Variants in PLPPR1 observed in about 807,000 individuals in gnomAD.
The protein encoded by PLPPR1 is phospholipid phosphatase related 1, also known as phospholipid phosphatase-related protein type 1.
A neutral mutation model predicts 33.1 loss-of-function variants in PLPPR1; 10 were observed. That is an observed-to-expected ratio of 0.30 (90% CI 0.19 to 0.51). PLPPR1 has a LOEUF of 0.51. Ranked by LOEUF, PLPPR1 falls within the 20% of genes least tolerant of loss-of-function variation. The pLI is 0.97. For missense variants in PLPPR1, 304 were observed against 408.1 expected (o/e 0.74, Z 2.20); for synonymous variants, 151 against 151.0 (o/e 1.00, Z 0.00).
intron 2 of PLPPR1, among the ~76,000 whole-genome samples, chr9:101,220,516 CAA>C (rs1826908992): frequency 6.6e-6 from 1 of 152,156 alleles, no homozygotes; most frequent in Admixed American, 6.6e-5. Flanking sequence ...TCCAGCAGTA[CAA>C]AGACATTAAA....
intron 4 of PLPPR1, among the ~76,000 whole-genome samples, chr9:101,307,974 G>T (rs756184297): frequency 6.6e-6 from 1 of 152,196 alleles, no homozygotes; most frequent in Admixed American, 6.5e-5. Context: ...AAAGCTTTCT[G>T]TAAGGAAACC....
chr9:101,038,912 C>T (rs1487576903), intron 1 of PLPPR1, among the ~76,000 whole-genome samples: 1 of 152,086 alleles, frequency 6.6e-6, no homozygotes, highest in African/African-American at 2.4e-5. Context: ...CAACAATCAG[C>T]TGTAATATTG....
At chr9:101,275,977 G>A (rs539208224) in intron 3 of PLPPR1, among the ~76,000 whole-genome samples, 6 of 152,228 alleles carry the variant, frequency 3.9e-5, no homozygotes, top group Admixed American at 6.5e-5. Flanking sequence ...TTTCTGGGCC[G>A]TAAGCTCTTC....
chr9:101,042,425 A>G (rs1029740150), intron 1 of PLPPR1, among the ~76,000 whole-genome samples: 3 of 152,192 alleles, frequency 2.0e-5, no homozygotes, highest in Non-Finnish European at 4.4e-5. Flanking sequence ...CACCCTAGGG[A>G]CACTTCTTTT....
intron 1 of PLPPR1, among the ~76,000 whole-genome samples, chr9:101,151,640 T>A (rs1381792979): frequency 6.6e-6 from 1 of 152,136 alleles, no homozygotes; most frequent in Non-Finnish European, 1.5e-5. Context: ...CTTGTCACCC[T>A]CCCCTACCAT....
At chr9:101,071,445 C>T (rs1019026233) in intron 1 of PLPPR1, among the ~76,000 whole-genome samples, 10 of 152,202 alleles carry the variant, frequency 6.6e-5, no homozygotes, top group African/African-American at 2.4e-4. Context: ...TATAGTAAGC[C>T]CCAACGAGTA....
At chr9:101,036,469 C>A (rs1830011986) in intron 1 of PLPPR1, among the ~76,000 whole-genome samples, 1 of 152,056 alleles carries the variant, frequency 6.6e-6, no homozygotes, top group African/African-American at 2.4e-5. Flanking sequence ...ATGTAAAGAT[C>A]ATCTAGACTA....
intron 1 of PLPPR1, among the ~76,000 whole-genome samples, chr9:101,178,989 G>T (rs966784029): frequency 6.6e-6 from 1 of 152,154 alleles, no homozygotes; most frequent in African/African-American, 2.4e-5. Context: ...TAAACTGAAA[G>T]TTAAGAGTGC....
intron 1 of PLPPR1, among the ~76,000 whole-genome samples, chr9:101,046,532 C>G (rs777002491): frequency 6.6e-6 from 1 of 150,932 alleles, no homozygotes; most frequent in Admixed American, 6.6e-5. Flanking sequence ...CTCTGCCTCC[C>G]GGGTTCACGC....
chr9:101,192,099 A>G (rs1330369048), intron 2 of PLPPR1, among the ~76,000 whole-genome samples: 1 of 152,158 alleles, frequency 6.6e-6, no homozygotes, highest in Non-Finnish European at 1.5e-5. Context: ...ATTCCATATC[A>G]TCACTTTTGG....
chr9:101,114,243 C>G (rs1009654837), intron 1 of PLPPR1, among the ~76,000 whole-genome samples: 1 of 152,096 alleles, frequency 6.6e-6, no homozygotes, highest in Admixed American at 6.6e-5. Flanking sequence ...CTCACAACAC[C>G]CTTGTGACCA....
intron 4 of PLPPR1, among the ~76,000 whole-genome samples, chr9:101,304,172 G>A (rs1003898725): frequency 3.9e-5 from 6 of 152,104 alleles, no homozygotes; most frequent in African/African-American, 7.2e-5. Context: ...CACTATGCCC[G>A]ACTTTGTGAA....
chr9:101,129,327 A>G (rs960129973), intron 1 of PLPPR1, among the ~76,000 whole-genome samples: 3 of 152,078 alleles, frequency 2.0e-5, no homozygotes, highest in Non-Finnish European at 4.4e-5. Flanking sequence ...AAAAAATGTT[A>G]CCCATGCACC....
intron 2 of PLPPR1, among the ~76,000 whole-genome samples, chr9:101,235,706 A>C (rs10989447): frequency 0.053 from 8,059 of 151,808 alleles, 291 homozygotes; most frequent in South Asian, 0.17. Context: ...CCTACTGATA[A>C]ATTTCTGAAA....
chr9:101,231,758 G>A (rs1564185599), intron 2 of PLPPR1, among the ~76,000 whole-genome samples: 1 of 151,956 alleles, frequency 6.6e-6, no homozygotes, highest in Non-Finnish European at 1.5e-5. Context: ...TTTTATTTTA[G>A]TGAACTTTGC....
At chr9:101,051,274 T>G (rs1187844841) in intron 1 of PLPPR1, among the ~76,000 whole-genome samples, 3 of 147,326 alleles carry the variant, frequency 2.0e-5, no homozygotes, top group Non-Finnish European at 4.5e-5. Flanking sequence ...CTACTACTAC[T>G]TCTACTACTA....
intron 1 of PLPPR1, among the ~76,000 whole-genome samples, chr9:101,097,641 A>G (rs1297262853): frequency 6.6e-6 from 1 of 152,220 alleles, no homozygotes; most frequent in Non-Finnish European, 1.5e-5. Context: ...ACAAACATAC[A>G]AATAATTACC....
rs536895555 is a variant in PLPPR1 at position 101,240,926 on chromosome 9, G to A, written c.64-28954G>A. 1.4e-4 allele frequency among the ~76,000 whole-genome samples: 21 copies of A among 152,138 alleles called. No homozygotes were observed. In the South Asian group the frequency reaches 2.3e-3, roughly 16 times the overall value. On this transcript the variant is annotated intron_variant, in intron 2 of 7. Coordinates refer to ENST00000374874, the MANE Select transcript of PLPPR1 (RefSeq NM_207299.2). ...TGCAGTGCTATTTGCTAAGTGTATA[G>A]GTAGCCAATAATGAAGGCATTGCCA...
intron 1 of PLPPR1, among the ~76,000 whole-genome samples, chr9:101,033,265 A>G (rs1300951635): frequency 6.6e-6 from 1 of 152,212 alleles, no homozygotes; most frequent in African/African-American, 2.4e-5. Flanking sequence ...ACAGAAGGCA[A>G]ATCCAAGATA....
Sources: allele counts gnomAD v4.1 joint callset (sites outside exome capture counted in the v4.1 genomes callset), GRCh38; gene constraint gnomAD v4.1.1; transcripts MANE v1.5; gene names NCBI Gene and HGNC (gene_info 2026-07-23, HGNC 2026-07-21).